Variants in SLC4A4 observed in about 807,000 individuals in gnomAD.
The protein encoded by SLC4A4 is solute carrier family 4 member 4.
A neutral mutation model predicts 111.5 loss-of-function variants in SLC4A4; 27 were observed. That is an observed-to-expected ratio of 0.24 (90% confidence interval 0.18 to 0.33). The LOEUF (loss-of-function observed/expected upper bound fraction) is 0.33. SLC4A4 is among the 10% of genes least tolerant of loss of function. The probability of loss-of-function intolerance (pLI) is 1.00; values close to 1 mark genes in which losing one functional copy is unlikely to be tolerated. For missense variants in SLC4A4, 909 were observed against 1,315.5 expected (o/e 0.69, Z 4.78); for synonymous variants, 443 against 463.4 (o/e 0.96, Z 0.57).
At chr4:71,064,660 A>G (rs1741469513) in intron 1 of SLC4A4, among the ~76,000 whole-genome samples, 1 of 152,126 alleles carries the variant, frequency 6.6e-6, no homozygotes, top group Admixed American at 6.6e-5. Flanking sequence ...GGAAAGAGTG[A>G]GAACCACTTG....
At chr4:71,166,658 G>A (rs182532202) in intron 2 of SLC4A4, among the ~76,000 whole-genome samples, 12 of 152,314 alleles carry the variant, frequency 7.9e-5, no homozygotes, top group Admixed American at 4.6e-4. Flanking sequence ...TTTAAAATGT[G>A]TCTTCCTTTG....
intron 18 of SLC4A4, among the ~76,000 whole-genome samples, chr4:71,543,386 T>A (rs1038826396): frequency 6.6e-6 from 1 of 152,058 alleles, no homozygotes; most frequent in Non-Finnish European, 1.5e-5. Context: ...AGAAGTCCAG[T>A]GTGGCTGAGG....
At chr4:71,475,094 T>C (rs1250841642) in intron 14 of SLC4A4, among the ~76,000 whole-genome samples, 1 of 151,822 alleles carries the variant, frequency 6.6e-6, no homozygotes, top group Non-Finnish European at 1.5e-5. Flanking sequence ...TACATAAATA[T>C]ATGTGTAAGT....
At chr4:71,353,948 C>T (rs978135864) in intron 5 of SLC4A4, among the ~76,000 whole-genome samples, 1 of 152,172 alleles carries the variant, frequency 6.6e-6, no homozygotes, top group Non-Finnish European at 1.5e-5. Context: ...CTCACACTTA[C>T]ATAAAAAATT....
chr4:71,127,938 C>T (rs141655909), intron 2 of SLC4A4, among the ~76,000 whole-genome samples: 10 of 152,246 alleles, frequency 6.6e-5, no homozygotes, highest in East Asian at 1.9e-4. Context: ...GCCTGGGCAA[C>T]GTGATGAAAC....
intron 3 of SLC4A4, among the ~76,000 whole-genome samples, chr4:71,314,985 C>G (rs1726562530): frequency 6.6e-6 from 1 of 152,118 alleles, no homozygotes; most frequent in African/African-American, 2.4e-5. Flanking sequence ...GAATTACAGA[C>G]TGCAGTGCGT....
At chr4:71,149,816 A>C (rs1426348209) in intron 2 of SLC4A4, among the ~76,000 whole-genome samples, 7 of 152,184 alleles carry the variant, frequency 4.6e-5, no homozygotes, top group Non-Finnish European at 8.8e-5. Context: ...ATGCAGCCAG[A>C]GCCAGAGTTT....
intron 16 of SLC4A4, among the ~76,000 whole-genome samples, chr4:71,505,645 G>T (rs544029115): frequency 5.8e-4 from 88 of 152,058 alleles, no homozygotes; most frequent in Non-Finnish European, 8.1e-4. Flanking sequence ...TAGGTTGTCT[G>T]TTTACAATGA....
rs1222255354 is a variant in SLC4A4 at position 71,101,888 on chromosome 4, T to C, written c.-2+9096T>C. Reference sequence around the variant, plus strand: ...CCTCTCCTCCTCCAAAGGAACGCAGTTCCTCACCAGCAATGGAACAAAGCT... The same window carrying C: ...CCTCTCCTCCTCCAAAGGAACGCAGCTCCTCACCAGCAATGGAACAAAGCT... On this transcript the variant is annotated intron_variant, in intron 2 of 26. Coordinates refer to the SLC4A4 transcript ENST00000649996. 7.2e-5 allele frequency among the ~76,000 whole-genome samples: 11 copies of C among 152,062 alleles called. No homozygotes were observed. In the South Asian group the frequency reaches 1.3e-3, roughly 17 times the overall value.
chr4:71,274,772 G>T (rs1018901276), intron 3 of SLC4A4, among the ~76,000 whole-genome samples: 1 of 152,132 alleles, frequency 6.6e-6, no homozygotes, highest in Non-Finnish European at 1.5e-5. Context: ...CTGAGCAGTG[G>T]AATGAAGAGT....
intron 8 of SLC4A4, among the ~76,000 whole-genome samples, chr4:71,444,479 G>A (rs1278150984): frequency 6.6e-6 from 1 of 151,552 alleles, no homozygotes; most frequent in East Asian, 1.9e-4. Context: ...TTTTTTCCAA[G>A]CTGTCAAAGT....
chr4:71,393,867 C>A (rs1015062694), intron 6 of SLC4A4, among the ~76,000 whole-genome samples: 14 of 152,106 alleles, frequency 9.2e-5, no homozygotes, highest in Admixed American at 2.0e-4. Context: ...CAAATACTTA[C>A]AACCAACTGA....
At chr4:71,230,029 C>CA (rs1267718844) in intron 1 of SLC4A4, among the ~76,000 whole-genome samples, 1 of 150,948 alleles carries the variant, frequency 6.6e-6, no homozygotes, top group Non-Finnish European at 1.5e-5. Flanking sequence ...GCAGATTTTA[C>CA]AAAACAACAA....
At chr4:71,465,603 G>A (rs1034465943) in intron 12 of SLC4A4, among the ~76,000 whole-genome samples, 3 of 151,516 alleles carry the variant, frequency 2.0e-5, no homozygotes, top group Admixed American at 6.6e-5. Flanking sequence ...TGAAAAAATA[G>A]GAAACAGCCT....
intron 3 of SLC4A4, among the ~76,000 whole-genome samples, chr4:71,336,863 G>C (rs924710465): frequency 6.6e-6 from 1 of 152,128 alleles, no homozygotes; most frequent in South Asian, 2.1e-4. Context: ...TAGCTACGTC[G>C]TCTCCATTTA....
intron 1 of SLC4A4, among the ~76,000 whole-genome samples, chr4:71,086,373 T>G (rs1232079235): frequency 2.0e-5 from 3 of 151,896 alleles, no homozygotes; most frequent in Non-Finnish European, 2.9e-5. Flanking sequence ...GACTTCCTCT[T>G]TTCCTAATTG....
chr4:71,118,227 C>T (rs1279754305), intron 2 of SLC4A4, among the ~76,000 whole-genome samples: 2 of 152,156 alleles, frequency 1.3e-5, no homozygotes, highest in Admixed American at 1.3e-4. Context: ...TTTACCTTAA[C>T]TGCATTTGGA....
intron 2 of SLC4A4, among the ~76,000 whole-genome samples, chr4:71,118,018 A>G (rs565716786): frequency 3.3e-5 from 5 of 152,052 alleles, no homozygotes; most frequent in African/African-American, 1.2e-4. Flanking sequence ...CTGGGATTAC[A>G]GGCATGCGCC....
chr4:71,521,701 T>C (rs1019812329), intron 16 of SLC4A4, among the ~76,000 whole-genome samples: 2 of 152,166 alleles, frequency 1.3e-5, no homozygotes, highest in South Asian at 4.1e-4. Context: ...ACAGTGAGAC[T>C]GGGGAGCCCA....
Sources: gnomAD v4.1 joint callset for allele counts (sites outside exome capture counted in the v4.1 genomes callset) on GRCh38, gnomAD v4.1.1 for gene constraint, MANE v1.5 for transcripts, NCBI Gene and HGNC (gene_info 2026-07-23, HGNC 2026-07-21) for gene names.